The following WWOX variants were observed in gnomAD, a reference collection of about 807,000 sequenced individuals.
WWOX encodes the protein WW domain-containing oxidoreductase.
WWOX carries 69 observed loss-of-function variants against 46.2 expected under a neutral mutation model. The observed-to-expected ratio is 1.49, with a 90% CI of 1.23 to 1.82. The LOEUF is 1.82. WWOX is among the 40% of genes most tolerant of loss of function. The pLI, the probability that WWOX is intolerant of heterozygous loss-of-function variation, is 0.00. For missense variants in WWOX, 919 were observed against 542.6 expected (o/e 1.69, Z -6.89); for synonymous variants, 359 against 202.6 (o/e 1.77, Z -6.56).
intron 8 of WWOX, among the ~76,000 whole-genome samples, chr16:78,761,154 C>G (rs1420093190): frequency 3.3e-5 from 5 of 152,150 alleles, no homozygotes; most frequent in Non-Finnish European, 7.4e-5. Flanking sequence ...GGGGCTGTTT[C>G]TTGTTGTGTT....
At chr16:78,450,602 A>G (rs1206449540) in intron 8 of WWOX, among the ~76,000 whole-genome samples, 1 of 152,210 alleles carries the variant, frequency 6.6e-6, no homozygotes, top group African/African-American at 2.4e-5. Context: ...GAAAACCTGT[A>G]AAATTTGGGA....
intron 8 of WWOX, among the ~76,000 whole-genome samples, chr16:78,750,048 G>A (rs528763860): frequency 1.5e-4 from 23 of 152,244 alleles, no homozygotes; most frequent in Non-Finnish European, 1.3e-4. Context: ...GGAAAAATAG[G>A]AGAAATAAAA....
At chr16:78,495,321 A>C (rs545024228) in intron 8 of WWOX, among the ~76,000 whole-genome samples, 2 of 151,556 alleles carry the variant, frequency 1.3e-5, no homozygotes, top group African/African-American at 4.8e-5. Flanking sequence ...TTGTATTTTT[A>C]GTATAGACGG....
intron 5 of WWOX, among the ~76,000 whole-genome samples, chr16:78,309,805 T>G (rs1035063324): frequency 6.6e-6 from 1 of 152,222 alleles, no homozygotes; most frequent in African/African-American, 2.4e-5. Context: ...GTCTGTCTTG[T>G]GGTCCTGAAG....
intron 6 of WWOX, among the ~76,000 whole-genome samples, chr16:78,403,970 T>C (rs2082469854): frequency 6.6e-6 from 1 of 152,182 alleles, no homozygotes; most frequent in Non-Finnish European, 1.5e-5. Context: ...AAATATTGTA[T>C]TATCTTAACA....
chr16:78,527,079 G>C (rs12444416), intron 8 of WWOX, among the ~76,000 whole-genome samples: 1 of 151,988 alleles, frequency 6.6e-6, no homozygotes, highest in African/African-American at 2.4e-5. Flanking sequence ...CAGGAGAATC[G>C]CTTGAACCCA....
At chr16:79,013,030 C>T (rs1044299239) in intron 8 of WWOX, among the ~76,000 whole-genome samples, 2 of 152,184 alleles carry the variant, frequency 1.3e-5, no homozygotes, top group Admixed American at 1.3e-4. Context: ...GATCGTGCCA[C>T]TGCATGTCAG....
chr16:78,437,206 T>C (rs1422920432), intron 8 of WWOX, among the ~76,000 whole-genome samples: 2 of 152,342 alleles, frequency 1.3e-5, no homozygotes, highest in South Asian at 2.1e-4. Context: ...AACAGCAGTA[T>C]TCTAATATCA....
intron 8 of WWOX, among the ~76,000 whole-genome samples, chr16:78,976,619 A>T (rs1323333434): frequency 6.6e-6 from 1 of 152,194 alleles, no homozygotes; most frequent in Non-Finnish European, 1.5e-5. Flanking sequence ...AAGCCTGAAC[A>T]TCCACACCCG....
intron 8 of WWOX, among the ~76,000 whole-genome samples, chr16:79,037,437 A>G (rs1003105088): frequency 1.3e-5 from 2 of 152,060 alleles, no homozygotes; most frequent in Admixed American, 1.3e-4. Context: ...TGGGTACTAG[A>G]CTGGGGGTTC....
chr16:79,034,943 T>C (rs1039717411), intron 8 of WWOX, among the ~76,000 whole-genome samples: 2 of 152,222 alleles, frequency 1.3e-5, no homozygotes, highest in Non-Finnish European at 2.9e-5. Flanking sequence ...GTAGGATTAT[T>C]GAAAGACAGT....
chr16:78,689,450 G>C (rs972771038), intron 8 of WWOX, among the ~76,000 whole-genome samples: 5 of 152,134 alleles, frequency 3.3e-5, no homozygotes, highest in Non-Finnish European at 7.4e-5. Context: ...CCAAACTTTA[G>C]CTCAGCTCCT....
intron 5 of WWOX, among the ~76,000 whole-genome samples, chr16:78,286,274 C>T (rs1020897688): frequency 1.3e-5 from 2 of 152,240 alleles, no homozygotes; most frequent in Non-Finnish European, 2.9e-5. Flanking sequence ...GTGAGATTCA[C>T]ATGCTGCTGT....
chr16:78,935,604 C>T (rs1262554905), intron 8 of WWOX, among the ~76,000 whole-genome samples: 3 of 121,690 alleles, frequency 2.5e-5, no homozygotes, highest in Non-Finnish European at 3.4e-5. Flanking sequence ...CGGGGCCTGT[C>T]GTGGGCTGGG....
chr16:78,184,877 C>T (rs2035646999), intron 5 of WWOX, among the ~76,000 whole-genome samples: 1 of 152,214 alleles, frequency 6.6e-6, no homozygotes, highest in Non-Finnish European at 1.5e-5. Context: ...GTAATAACAA[C>T]CAACCTCAAA....
intron 8 of WWOX, among the ~76,000 whole-genome samples, chr16:78,732,192 A>C (rs771587837): frequency 4.0e-4 from 61 of 152,104 alleles, no homozygotes; most frequent in Non-Finnish European, 5.4e-4. Context: ...TTACTGACTT[A>C]CTTATTACTA....
intron 8 of WWOX, among the ~76,000 whole-genome samples, chr16:78,755,803 C>CT (rs2049631595): frequency 6.6e-6 from 1 of 152,224 alleles, no homozygotes; most frequent in Non-Finnish European, 1.5e-5. Context: ...TCCACTCTCA[C>CT]TTTCGCCATT....
intron 8 of WWOX, among the ~76,000 whole-genome samples, chr16:78,823,773 G>T (rs964628337): frequency 1.6e-5 from 2 of 126,680 alleles, no homozygotes; most frequent in Admixed American, 9.2e-5. Flanking sequence ...GAGCTTTCTA[G>T]ACTTGTTATT....
rs184485669 is a variant in WWOX at position 78,102,556 on chromosome 16, C to G, written c.107+2671C>G. ...AGGCAAGCTCCTGAGCGGGCACTTGCTGTTCCTCTCACCTGTACATCTGTT... is the reference window on the plus strand; with the variant it reads ...AGGCAAGCTCCTGAGCGGGCACTTGGTGTTCCTCTCACCTGTACATCTGTT... On this transcript the variant is annotated intron_variant, in intron 1 of 8. Coordinates refer to ENST00000566780, the MANE Select transcript of WWOX (RefSeq NM_016373.4). Among the ~76,000 whole-genome samples the G allele has an allele frequency of 2.0e-4, 31 of 152,362 alleles. No homozygotes were observed. In the East Asian group the frequency reaches 4.2e-3, roughly 21 times the overall value.
Sources: gnomAD v4.1 joint callset for allele counts (sites outside exome capture counted in the v4.1 genomes callset) on GRCh38, gnomAD v4.1.1 for gene constraint, MANE v1.5 for transcripts, NCBI Gene and HGNC (gene_info 2026-07-23, HGNC 2026-07-21) for gene names.